CEP128: variants seen among roughly 807,000 people sequenced by gnomAD.
The protein encoded by CEP128 is centrosomal protein 128kDa.
Under a neutral mutation model 156.7 loss-of-function variants are expected in CEP128, and 132 were observed. The ratio of observed to expected loss-of-function variants is 0.84; its 90% confidence interval spans 0.73 to 0.97. The LOEUF (loss-of-function observed/expected upper bound fraction) is 0.97, where lower values mean the gene tolerates loss of function less well. Among genes scored for constraint, CEP128 ranks in the 50% least tolerant of loss-of-function variants. CEP128 has a pLI of 0.00. For missense variants in CEP128, 1,252 were observed against 1,281.9 expected, an observed-to-expected ratio of 0.98 and a Z score of 0.36; for synonymous variants, 469 against 448.9, an observed-to-expected ratio of 1.04 and a Z score of -0.57.
At chr14:80,711,070 C>A (rs1162036437) in intron 19 of CEP128, among the ~76,000 whole-genome samples, 1 of 152,026 alleles carries the variant, frequency 6.6e-6, no homozygotes, top group Non-Finnish European at 1.5e-5. Flanking sequence ...ATATGAGAAG[C>A]TATCTAATTT....
chr14:80,485,534 T>C (rs751308017), downstream of CEP128, among the ~76,000 whole-genome samples: 2 of 152,190 alleles, frequency 1.3e-5, no homozygotes, highest in Non-Finnish European at 2.9e-5. Flanking sequence ...ATGAAGTATA[T>C]GCATACTGAA....
chr14:80,690,952 TTAA>T (rs1248698154), intron 19 of CEP128, among the ~76,000 whole-genome samples: 2 of 152,316 alleles, frequency 1.3e-5, no homozygotes, highest in Non-Finnish European at 2.9e-5. Flanking sequence ...AAACATACTC[TTAA>T]TAATATCTCT....
At chr14:80,604,426 A>G (rs1007521057) in intron 19 of CEP128, among the ~76,000 whole-genome samples, 1 of 152,176 alleles carries the variant, frequency 6.6e-6, no homozygotes, top group African/African-American at 2.4e-5. Flanking sequence ...CCATGCTGAG[A>G]TTAAGGTCAA....
intron 2 of CEP128, among the ~76,000 whole-genome samples, chr14:80,920,150 T>C (rs550485992): frequency 6.6e-6 from 1 of 152,306 alleles, no homozygotes; most frequent in East Asian, 1.9e-4. Flanking sequence ...CAACACAAGG[T>C]CTTACATGAT....
intron 19 of CEP128, among the ~76,000 whole-genome samples, chr14:80,674,624 T>A (rs1595192835): frequency 6.7e-6 from 1 of 148,466 alleles, no homozygotes; most frequent in African/African-American, 2.4e-5. Flanking sequence ...GCCTCAAAAA[T>A]ATGTTTATAT....
intron 19 of CEP128, among the ~76,000 whole-genome samples, chr14:80,628,030 G>A (rs563671321): frequency 3.9e-5 from 6 of 152,202 alleles, no homozygotes; most frequent in East Asian, 1.9e-4. Context: ...GTCTAGCTTC[G>A]GGAGTAAGCG....
chr14:80,715,949 A>G (rs1418666460), intron 19 of CEP128, among the ~76,000 whole-genome samples: 1 of 152,218 alleles, frequency 6.6e-6, no homozygotes, highest in Non-Finnish European at 1.5e-5. Flanking sequence ...TAGCATTAAT[A>G]TCTTCTGTAT....
upstream of CEP128, among the ~76,000 whole-genome samples, chr14:80,945,925 T>C (rs1316250398): frequency 4.6e-5 from 7 of 152,214 alleles, no homozygotes. Context: ...GTACTTGTTT[T>C]CCACAATACA....
intron 6 of CEP128, among the ~76,000 whole-genome samples, chr14:80,491,274 T>C (rs532273879): frequency 1.3e-5 from 2 of 152,338 alleles, no homozygotes; most frequent in East Asian, 3.9e-4. Context: ...GCTGTGGTCT[T>C]GGTCAAAGCA....
At chr14:80,662,889 A>T (rs1346376952) in intron 19 of CEP128, among the ~76,000 whole-genome samples, 1 of 152,164 alleles carries the variant, frequency 6.6e-6, no homozygotes, top group Non-Finnish European at 1.5e-5. Flanking sequence ...AAATGTAGCT[A>T]CCAAGTACCT....
intron 19 of CEP128, among the ~76,000 whole-genome samples, chr14:80,728,393 A>G (rs1898100251): frequency 6.6e-6 from 1 of 152,152 alleles, no homozygotes; most frequent in South Asian, 2.1e-4. Context: ...GTGAGGATGG[A>G]AAAACTACAT....
chr14:80,809,586 C>T (rs1884386446), intron 13 of CEP128, among the ~76,000 whole-genome samples: 1 of 151,996 alleles, frequency 6.6e-6, no homozygotes, highest in Non-Finnish European at 1.5e-5. Context: ...TAAAGTGAAT[C>T]ACAAAGAGGA....
chr14:80,570,298 A>C (rs980608021), intron 20 of CEP128, among the ~76,000 whole-genome samples: 3 of 151,962 alleles, frequency 2.0e-5, no homozygotes, highest in African/African-American at 7.3e-5. Flanking sequence ...TTTGTGTTTT[A>C]GTAGAGATGA....
chr14:80,547,798 T>A (rs1594981879), intron 21 of CEP128, among the ~76,000 whole-genome samples: 1 of 71,160 alleles, frequency 1.4e-5, no homozygotes, highest in Non-Finnish European at 2.5e-5. Context: ...GGGAGAGGAA[T>A]TTTTTTTTTT....
intron 13 of CEP128, among the ~76,000 whole-genome samples, chr14:80,818,508 C>T (rs1884991152): frequency 6.6e-6 from 1 of 152,236 alleles, no homozygotes; most frequent in Non-Finnish European, 1.5e-5. Context: ...TGACTCCAAT[C>T]CCTGGCCACA....
intron 19 of CEP128, among the ~76,000 whole-genome samples, chr14:80,724,128 C>A (rs1245559092): frequency 6.6e-6 from 1 of 152,184 alleles, no homozygotes; most frequent in African/African-American, 2.4e-5. Flanking sequence ...AAATATTTGG[C>A]TTCCTCCTGA....
chr14:80,784,770 G>T, intron 15 of CEP128, 125 bp downstream of exon 15: 1 of 861,244 alleles, frequency 1.2e-6, no homozygotes, highest in Non-Finnish European at 1.8e-6. Flanking sequence ...CCTCTTTATT[G>T]TTGGTTTTAT....
chr14:80,774,629 G>C (rs1566906759), intron 16 of CEP128, among the ~76,000 whole-genome samples: 1 of 151,950 alleles, frequency 6.6e-6, no homozygotes, highest in Non-Finnish European at 1.5e-5. Flanking sequence ...GTGTGTGCGT[G>C]TGTGTGTATG....
At chr14:80,664,417 A>G (rs762822765) in intron 19 of CEP128, among the ~76,000 whole-genome samples, 12 of 152,132 alleles carry the variant, frequency 7.9e-5, no homozygotes, top group Non-Finnish European at 1.5e-4. Context: ...AGAAAGAGCT[A>G]TCAGAGGGAC....
Sources: allele counts gnomAD v4.1 joint callset (sites outside exome capture counted in the v4.1 genomes callset), GRCh38; gene constraint gnomAD v4.1.1; transcripts MANE v1.5; gene names NCBI Gene and HGNC (gene_info 2026-07-23, HGNC 2026-07-21).